The following NTNG1 variants were observed in gnomAD, a reference collection of about 807,000 sequenced individuals.
NTNG1 encodes netrin G1.
A neutral mutation model predicts 54.0 loss-of-function variants in NTNG1; 16 were observed. The observed-to-expected ratio is 0.30, with a 90% confidence interval of 0.20 to 0.45. The LOEUF (loss-of-function observed/expected upper bound fraction) is 0.45. Ranked by LOEUF, NTNG1 falls within the 20% of genes least tolerant of loss-of-function variation. The pLI, the probability that NTNG1 is intolerant of heterozygous loss-of-function variation, is 1.00. For synonymous variants in NTNG1, 255 were observed against 263.1 expected, an observed-to-expected ratio of 0.97 and a Z score of 0.30; for missense variants, 530 against 678.7, an observed-to-expected ratio of 0.78 and a Z score of 2.43.
At chr1:107,195,640 C>T (rs1658265987) in intron 2 of NTNG1, among the ~76,000 whole-genome samples, 1 of 151,838 alleles carries the variant, frequency 6.6e-6, no homozygotes. Context: ...TACACACACA[C>T]CTGTGCCTTA....
intron 2 of NTNG1, among the ~76,000 whole-genome samples, chr1:107,245,593 A>T (rs867622074): frequency 2.6e-5 from 4 of 152,204 alleles, no homozygotes; most frequent in African/African-American, 9.7e-5. Context: ...GTTTGTAATC[A>T]ATACTGTTTT....
intron 2 of NTNG1, among the ~76,000 whole-genome samples, chr1:107,323,609 C>T (rs546592700): frequency 1.3e-5 from 2 of 152,082 alleles, no homozygotes; most frequent in Non-Finnish European, 2.9e-5. Context: ...CCAAGACTTT[C>T]CTGAACAATC....
intron 2 of NTNG1, among the ~76,000 whole-genome samples, chr1:107,230,504 T>C (rs1661002339): frequency 6.6e-6 from 1 of 152,104 alleles, no homozygotes; most frequent in Admixed American, 6.6e-5. Context: ...CAAAGAAGCA[T>C]TTTTAGGACT....
intron 2 of NTNG1, among the ~76,000 whole-genome samples, chr1:107,254,444 G>T (rs921537028): frequency 6.6e-6 from 1 of 152,234 alleles, no homozygotes; most frequent in Non-Finnish European, 1.5e-5. Flanking sequence ...GCCGCATGAG[G>T]ACTGCTGCTG....
intron 2 of NTNG1, among the ~76,000 whole-genome samples, chr1:107,239,642 C>T (rs967275519): frequency 1.3e-5 from 2 of 152,182 alleles, no homozygotes; most frequent in Non-Finnish European, 2.9e-5. Flanking sequence ...GTCTATCAGA[C>T]CCCTGACTGG....
intron 2 of NTNG1, among the ~76,000 whole-genome samples, chr1:107,164,631 T>C (rs989026131): frequency 6.6e-6 from 1 of 152,192 alleles, no homozygotes; most frequent in African/African-American, 2.4e-5. Flanking sequence ...TATGAGAGTA[T>C]GTAATCTTAA....
chr1:107,212,735 A>AATAT (rs1475185220), intron 2 of NTNG1, among the ~76,000 whole-genome samples: 1 of 152,120 alleles, frequency 6.6e-6, no homozygotes, highest in Non-Finnish European at 1.5e-5. Context: ...TTCAATCCAA[A>AATAT]ATATACTTGT....
intron 5 of NTNG1, among the ~76,000 whole-genome samples, chr1:107,419,709 G>T (rs1212948313): frequency 6.6e-6 from 1 of 150,866 alleles, no homozygotes; most frequent in Non-Finnish European, 1.5e-5. Context: ...GAATACAGAT[G>T]GAAAAGGAAA....
chr1:107,311,619 T>C (rs1303377465), intron 2 of NTNG1, among the ~76,000 whole-genome samples: 1 of 152,168 alleles, frequency 6.6e-6, no homozygotes, highest in Non-Finnish European at 1.5e-5. Context: ...CAATTCCCAG[T>C]GACCAACCTA....
intron 2 of NTNG1, among the ~76,000 whole-genome samples, chr1:107,237,244 C>G (rs1193419389): frequency 6.6e-6 from 1 of 152,114 alleles, no homozygotes; most frequent in Non-Finnish European, 1.5e-5. Context: ...TGCCCCTGCC[C>G]TAGAGATTTG....
At chr1:107,387,457 C>T (rs1672082513) in intron 3 of NTNG1, among the ~76,000 whole-genome samples, 1 of 152,232 alleles carries the variant, frequency 6.6e-6, no homozygotes, top group South Asian at 2.1e-4. Flanking sequence ...ATCTTGTTAA[C>T]GTTGCAGATT....
At chr1:107,173,413 A>G (rs1204090266) in intron 2 of NTNG1, among the ~76,000 whole-genome samples, 1 of 152,164 alleles carries the variant, frequency 6.6e-6, no homozygotes, top group Non-Finnish European at 1.5e-5. Flanking sequence ...AAATTGAATA[A>G]CCTGGCTTAT....
intron 3 of NTNG1, among the ~76,000 whole-genome samples, chr1:107,357,493 C>T (rs1168223354): frequency 6.6e-6 from 1 of 152,176 alleles, no homozygotes; most frequent in Non-Finnish European, 1.5e-5. Context: ...ATTTTAACTA[C>T]TTCATTTCTT....
intron 3 of NTNG1, among the ~76,000 whole-genome samples, chr1:107,369,342 A>G (rs1160803800): frequency 1.3e-5 from 2 of 152,188 alleles, no homozygotes; most frequent in Non-Finnish European, 2.9e-5. Context: ...TGACTTAGTT[A>G]TAATACGTTA....
At chr1:107,329,334 T>G (rs946939900) in intron 3 of NTNG1, among the ~76,000 whole-genome samples, 1 of 152,124 alleles carries the variant, frequency 6.6e-6, no homozygotes, top group Non-Finnish European at 1.5e-5. Flanking sequence ...TACGTCACTC[T>G]CAGGAGTCCA....
intron 5 of NTNG1, among the ~76,000 whole-genome samples, chr1:107,424,659 G>A (rs1433115042): frequency 1.3e-5 from 2 of 152,112 alleles, no homozygotes; most frequent in Non-Finnish European, 2.9e-5. Context: ...CATGTAGTGA[G>A]ATGGAGAAGC....
At chr1:107,359,207 T>A (rs1203046518) in intron 3 of NTNG1, among the ~76,000 whole-genome samples, 4 of 152,196 alleles carry the variant, frequency 2.6e-5, no homozygotes, top group African/African-American at 9.7e-5. Context: ...TAGCAGCTCA[T>A]GACAATGTAA....
intron 7 of NTNG1, among the ~76,000 whole-genome samples, chr1:107,453,492 A>G (rs1676744773): frequency 6.6e-6 from 1 of 152,204 alleles, no homozygotes; most frequent in Admixed American, 6.5e-5. Context: ...AAGAGTGTGC[A>G]TTACTTACTG....
intron 3 of NTNG1, among the ~76,000 whole-genome samples, chr1:107,390,839 C>T (rs1021398775): frequency 2.0e-5 from 3 of 152,130 alleles, no homozygotes; most frequent in Non-Finnish European, 4.4e-5. Context: ...AGGAACTTAT[C>T]CTCTAGTGAG....
Sources: allele counts gnomAD v4.1 joint callset (sites outside exome capture counted in the v4.1 genomes callset), GRCh38; gene constraint gnomAD v4.1.1; transcripts MANE v1.5; gene names NCBI Gene and HGNC (gene_info 2026-07-23, HGNC 2026-07-21).